The following MSRA variants were observed in gnomAD, a reference collection of about 807,000 sequenced individuals.
MSRA encodes methionine sulfoxide reductase A.
In MSRA, 54 loss-of-function variants were observed where a neutral mutation model predicts 31.3. The ratio of observed to expected loss-of-function variants is 1.73; its 90% CI spans 1.39 to 2.17. MSRA has a LOEUF of 2.17. Ranked by LOEUF, MSRA falls within the 30% of genes most tolerant of loss-of-function variation. MSRA has a pLI of 0.00. For missense variants in MSRA, 507 were observed against 300.9 expected, an observed-to-expected ratio of 1.69 and a Z score of -5.07; for synonymous variants, 169 against 116.5, an observed-to-expected ratio of 1.45 and a Z score of -2.90.
intron 2 of MSRA, among the ~76,000 whole-genome samples, chr8:10,208,507 T>C (rs935419315): frequency 1.3e-5 from 2 of 152,218 alleles, no homozygotes; most frequent in South Asian, 4.1e-4. Flanking sequence ...CCATGCCTCA[T>C]GTCATCTAAA....
At chr8:10,202,971 A>G (rs1162071213) in intron 1 of MSRA, among the ~76,000 whole-genome samples, 1 of 152,022 alleles carries the variant, frequency 6.6e-6, no homozygotes, top group Non-Finnish European at 1.5e-5. Context: ...GCCTGTTCTT[A>G]GCCACCAGTT....
chr8:10,350,469 C>G (rs950245028), intron 5 of MSRA, among the ~76,000 whole-genome samples: 1 of 152,126 alleles, frequency 6.6e-6, no homozygotes, highest in Non-Finnish European at 1.5e-5. Context: ...ATGAAAAGGC[C>G]CTATAAAGCC....
intron 3 of MSRA, among the ~76,000 whole-genome samples, chr8:10,254,609 C>G (rs1015622400): frequency 6.6e-6 from 1 of 152,170 alleles, no homozygotes; most frequent in African/African-American, 2.4e-5. Flanking sequence ...AGTGCTGCCC[C>G]TTACACAGGT....
intron 1 of MSRA, among the ~76,000 whole-genome samples, chr8:10,126,088 T>C (rs948117098): frequency 1.1e-4 from 16 of 152,224 alleles, no homozygotes; most frequent in African/African-American, 3.9e-4. Context: ...ACTTTCATTC[T>C]CTTCTTGGAG....
At chr8:10,209,630 T>C (rs1328373176) in intron 2 of MSRA, among the ~76,000 whole-genome samples, 2 of 152,228 alleles carry the variant, frequency 1.3e-5, no homozygotes, top group Admixed American at 6.5e-5. Context: ...AAGGCCCTCA[T>C]TGTTTCACTT....
intron 1 of MSRA, among the ~76,000 whole-genome samples, chr8:10,198,833 T>A (rs1038359942): frequency 6.6e-6 from 1 of 152,196 alleles, no homozygotes; most frequent in African/African-American, 2.4e-5. Context: ...CTCGCTATGT[T>A]GCCCAGGTTG....
At chr8:10,278,194 G>T (rs1313058617) in intron 3 of MSRA, among the ~76,000 whole-genome samples, 1 of 152,132 alleles carries the variant, frequency 6.6e-6, no homozygotes, top group East Asian at 1.9e-4. Context: ...GTACAGCAGG[G>T]GTGGGGTTGC....
chr8:10,181,315 G>A (rs1358908068), intron 1 of MSRA, among the ~76,000 whole-genome samples: 3 of 152,056 alleles, frequency 2.0e-5, no homozygotes, highest in East Asian at 3.9e-4. Context: ...CAGGAGAAAT[G>A]TTCCAGGCAG....
chr8:10,396,838 C>G lies in MSRA; in HGVS notation c.544-31310C>G, dbSNP rs115267049. ...GATGGTCTGGGGTATGGCCCTTACG[C>G]GAGATCTGTTGAGTAAAGCCTTCCC... On this transcript the variant is annotated intron_variant, in intron 5 of 5. Transcript: ENST00000317173. Among the ~76,000 whole-genome samples, 85 of 152,276 alleles carry G rather than the reference C, an allele frequency of 5.6e-4. No homozygotes were observed. In the Middle Eastern group the frequency reaches 0.02, roughly 37 times the overall value.
intron 1 of MSRA, among the ~76,000 whole-genome samples, chr8:10,113,610 C>T (rs1349508158): frequency 1.3e-5 from 2 of 151,536 alleles, no homozygotes; most frequent in South Asian, 2.1e-4. Flanking sequence ...TGGGTACTGG[C>T]CATTAAGAAA....
chr8:10,417,092 A>G (rs1039433663), intron 5 of MSRA, among the ~76,000 whole-genome samples: 11 of 152,264 alleles, frequency 7.2e-5, no homozygotes, highest in Admixed American at 6.5e-4. Flanking sequence ...CCATCCGTCC[A>G]GCTAGAGGCC....
intron 5 of MSRA, among the ~76,000 whole-genome samples, chr8:10,354,324 A>C (rs1219710796): frequency 6.6e-6 from 1 of 152,214 alleles, no homozygotes; most frequent in Non-Finnish European, 1.5e-5. Context: ...CATTGTTGGC[A>C]AGATTCAAGG....
chr8:10,215,241 C>T (rs1416004871), intron 2 of MSRA, among the ~76,000 whole-genome samples: 1 of 152,206 alleles, frequency 6.6e-6, no homozygotes, highest in African/African-American at 2.4e-5. Context: ...ATGGAGGAGT[C>T]TGTAAAGAAT....
At chr8:10,342,482 G>A (rs893064816) in intron 5 of MSRA, among the ~76,000 whole-genome samples, 1 of 152,184 alleles carries the variant, frequency 6.6e-6, no homozygotes, top group South Asian at 2.1e-4. Flanking sequence ...TTGACCTTGT[G>A]GATCCTGGAA....
At chr8:10,379,826 T>A (rs931085801) in intron 5 of MSRA, among the ~76,000 whole-genome samples, 11 of 152,248 alleles carry the variant, frequency 7.2e-5, no homozygotes, top group African/African-American at 2.6e-4. Context: ...CATCAGTGGG[T>A]CCATGTTGCT....
At chr8:10,120,480 G>C (rs1055570941) in intron 1 of MSRA, among the ~76,000 whole-genome samples, 3 of 152,176 alleles carry the variant, frequency 2.0e-5, no homozygotes, top group African/African-American at 7.2e-5. Context: ...CTCTGTGTAT[G>C]GCTCAGTCAC....
intron 1 of MSRA, among the ~76,000 whole-genome samples, chr8:10,146,460 A>G (rs1042241893): frequency 6.6e-6 from 1 of 152,206 alleles, no homozygotes. Context: ...TGAGTAAAAC[A>G]GCTGCTGCCT....
chr8:10,158,258 C>G (rs959922660), intron 1 of MSRA, among the ~76,000 whole-genome samples: 1 of 152,178 alleles, frequency 6.6e-6, no homozygotes, highest in African/African-American at 2.4e-5. Context: ...ACATTCAGAC[C>G]GTAGCAAATG....
chr8:10,363,738 C>CCCCACACACACACA (rs1804991535), intron 5 of MSRA, among the ~76,000 whole-genome samples: 1 of 103,288 alleles, frequency 9.7e-6, no homozygotes, highest in Non-Finnish European at 1.9e-5. Flanking sequence ...GATGCAGTCA[C>CCCCACACACACACA]CACACACACA....
Sources: allele counts gnomAD v4.1 joint callset (sites outside exome capture counted in the v4.1 genomes callset), GRCh38; gene constraint gnomAD v4.1.1; transcripts MANE v1.5; gene names NCBI Gene and HGNC (gene_info 2026-07-23, HGNC 2026-07-21).